Variants in RTN3 observed in about 807,000 individuals in gnomAD.
The protein encoded by RTN3 is reticulon-3.
Under a neutral mutation model 77.8 loss-of-function variants are expected in RTN3, and 49 were observed. That is an observed-to-expected ratio of 0.63 (90% CI 0.50 to 0.80). RTN3 has a LOEUF of 0.80. Among genes scored for constraint, RTN3 ranks in the 30% least tolerant of loss-of-function variants. RTN3 has a pLI of 0.00. For missense variants in RTN3, 1,236 were observed against 1,211.9 expected, an observed-to-expected ratio of 1.02 and a Z score of -0.29; for synonymous variants, 464 against 446.9, an observed-to-expected ratio of 1.04 and a Z score of -0.48.
At chr11:63,724,484 CTTTTTTTT>C (rs34237318) in intron 3 of RTN3, among the ~76,000 whole-genome samples, 1 of 81,804 alleles carries the variant, frequency 1.2e-5, no homozygotes, top group Non-Finnish European at 2.4e-5. Flanking sequence ...GTGCCCGGCC[CTTTTTTTT>C]TTTTTTTTTT....
At chr11:63,749,940 A>G (rs747522856) in intron 3 of RTN3, 51 bp from the exon 4 acceptor site, 3 of 1,300,790 alleles carry the variant, frequency 2.3e-6, no homozygotes, top group South Asian at 2.4e-5. Context: ...TATGCAAGAC[A>G]TAGTAGCTGT....
chr11:63,742,475 G>A (rs925611335), intron 3 of RTN3, among the ~76,000 whole-genome samples: 2 of 151,388 alleles, frequency 1.3e-5, no homozygotes, highest in East Asian at 2.0e-4. Context: ...GTGAAACCCC[G>A]TCTCTACTAA....
At chr11:63,701,496 A>G (rs998850323) in intron 1 of RTN3, among the ~76,000 whole-genome samples, 4 of 152,158 alleles carry the variant, frequency 2.6e-5, no homozygotes, top group Non-Finnish European at 5.9e-5. Flanking sequence ...ATTTCTCTCT[A>G]TTTGTGAACA....
intron 1 of RTN3, 49 bp downstream of exon 1, chr11:63,681,827 C>G: frequency 6.7e-7 from 1 of 1,487,960 alleles, no homozygotes; most frequent in Admixed American, 2.5e-5. Flanking sequence ...CGAGCGGGAG[C>G]CTGGGGGCTG....
intron 1 of RTN3, among the ~76,000 whole-genome samples, chr11:63,689,158 C>T (rs1328325696): frequency 6.6e-6 from 1 of 152,080 alleles, no homozygotes; most frequent in Non-Finnish European, 1.5e-5. Context: ...AACTTTTTCT[C>T]TTAATTTAGC....
chr11:63,721,094 G>T (rs1171095597), intron 3 of RTN3, 62 bp downstream of exon 3: 1 of 1,421,910 alleles, frequency 7.0e-7, no homozygotes, highest in Non-Finnish European at 9.5e-7. Context: ...TTATCAGCGT[G>T]CCATTTATGT....
At chr11:63,750,987 C>G (rs1199090516) in intron 4 of RTN3, among the ~76,000 whole-genome samples, 1 of 152,204 alleles carries the variant, frequency 6.6e-6, no homozygotes, top group African/African-American at 2.4e-5. Context: ...CCGCCTCTGC[C>G]TCCCAAAGTG....
chr11:63,725,504 A>C (rs2012188698), intron 3 of RTN3, among the ~76,000 whole-genome samples: 2 of 150,626 alleles, frequency 1.3e-5, no homozygotes, highest in South Asian at 4.2e-4. Flanking sequence ...GCTGGAGTGC[A>C]GTGGTGCAAT....
At chr11:63,727,858 A>G (rs891908577) in intron 3 of RTN3, among the ~76,000 whole-genome samples, 3 of 152,220 alleles carry the variant, frequency 2.0e-5, no homozygotes, top group East Asian at 1.9e-4. Context: ...ATATTTAAAG[A>G]TAAAATGGCT....
At chr11:63,721,088 C>T in intron 3 of RTN3, 56 bp downstream of exon 3, 1 of 1,450,256 alleles carries the variant, frequency 6.9e-7, no homozygotes, top group East Asian at 2.3e-5. Context: ...GATTACTTAT[C>T]AGCGTGCCAT....
In RTN3 at chr11:63,718,989, C is replaced by G; in HGVS notation, c.487C>G (p.Pro163Ala). 1 of 1,614,078 alleles carries G rather than the reference C, an allele frequency of 6.2e-7. No individual in the cohort carries two copies. Reference protein sequence around the residue: ...CDRPSIPASFPEHPAFLSKKI... With the variant: ...CDRPSIPASFAEHPAFLSKKI... ...CCGTCCTTCTATTCCAGCCAGTTTCCCAGAGCATCCTGCTTTTCTCTCAAA... is the reference window on the plus strand; with the variant it reads ...CCGTCCTTCTATTCCAGCCAGTTTCGCAGAGCATCCTGCTTTTCTCTCAAA... The change falls in exon 3 of 9, where the codon CCA becomes GCA. Residue 163 changes from proline to alanine, a missense_variant. This residue lies in a region of RTN3 where 1,056 missense variants were observed against 990.4 expected (regional missense o/e 1.07). Transcript: ENST00000377819.
intron 2 of RTN3, among the ~76,000 whole-genome samples, chr11:63,710,102 A>T (rs1450309928): frequency 6.6e-6 from 1 of 152,102 alleles, no homozygotes; most frequent in Admixed American, 6.5e-5. Context: ...CTAAATCTTT[A>T]TCTAAGAGAC....
chr11:63,741,206 T>C (rs545199918), intron 3 of RTN3, among the ~76,000 whole-genome samples: 1 of 126,584 alleles, frequency 7.9e-6, no homozygotes, highest in African/African-American at 2.9e-5. Context: ...TATTTATTTA[T>C]TTATTTATTT....
intron 1 of RTN3, among the ~76,000 whole-genome samples, chr11:63,696,543 A>ATT (rs71039663): frequency 0.014 from 1,645 of 118,244 alleles, 50 homozygotes; most frequent in South Asian, 0.023. Context: ...CCCTGTCACT[A>ATT]TTTTTTTTTT....
At chr11:63,737,543 G>C (rs2013209939) in intron 3 of RTN3, among the ~76,000 whole-genome samples, 1 of 152,208 alleles carries the variant, frequency 6.6e-6, no homozygotes, top group African/African-American at 2.4e-5. Flanking sequence ...CCAGGAGGCA[G>C]AGGTTGCAGT....
Position 63,720,405 on chromosome 11 carries a change from T to G in RTN3, c.1903T>G (p.Leu635Val). The G allele has an allele frequency of 1.2e-6, 2 of 1,614,022 alleles. No homozygotes were observed. Among genetic ancestry groups the G allele is most frequent in the Non-Finnish European group, 1.7e-6 (2 of 1,179,992 alleles). The part of the protein sequence containing the change: ...FSLNVTTSAY[L>V]ESLHGKNVKH... ...ATTAAATGTGACAACATCTGCCTAT[T>G]TGGAGTCATTACATGGGAAAAATGT... is the stretch of plus-strand genomic sequence containing the variant. The change falls in exon 3 of 9, where the codon TTG becomes GTG. Residue 635 changes from leucine to valine, a missense_variant. Around this residue, in one of 3 missense-constraint regions of RTN3, gnomAD observed 1,056 missense variants for 990.4 expected, o/e 1.07. Coordinates refer to ENST00000377819, the MANE Select transcript of RTN3 (RefSeq NM_001265589.2).
chr11:63,711,564 C>T (rs961332016), intron 2 of RTN3, among the ~76,000 whole-genome samples: 1 of 151,204 alleles, frequency 6.6e-6, no homozygotes, highest in Admixed American at 6.6e-5. Context: ...TAATTTAAAA[C>T]AAAAAATTTT....
chr11:63,686,727 G>C (rs1941394730), intron 1 of RTN3, among the ~76,000 whole-genome samples: 1 of 152,020 alleles, frequency 6.6e-6, no homozygotes, highest in African/African-American at 2.4e-5. Flanking sequence ...CAGCCACTTA[G>C]GAGACTGAGG....
At chr11:63,757,268 A>G (rs957402998) in intron 8 of RTN3, among the ~76,000 whole-genome samples, 2 of 152,208 alleles carry the variant, frequency 1.3e-5, no homozygotes, top group African/African-American at 4.8e-5. Context: ...GACTCCCTAT[A>G]TCAAAGAGTT....
Sources: gnomAD v4.1 joint callset for allele counts (sites outside exome capture counted in the v4.1 genomes callset) on GRCh38, gnomAD v4.1.1 for gene constraint, gnomAD v4.1.1 regional missense constraint, MANE v1.5 for transcripts, NCBI Gene and HGNC (gene_info 2026-07-23, HGNC 2026-07-21) for gene names.